Variants in SIK3 observed in about 807,000 individuals in gnomAD.
The protein encoded by SIK3 is serine/threonine-protein kinase SIK3.
In SIK3, 28 loss-of-function variants were observed where a neutral mutation model predicts 144.2. That is an observed-to-expected ratio of 0.19 (90% CI 0.14 to 0.27). SIK3 has a LOEUF of 0.27. SIK3 is among the 10% of genes least tolerant of loss of function. SIK3 has a pLI of 1.00. For synonymous variants in SIK3, 686 were observed against 676.3 expected, an observed-to-expected ratio of 1.01 and a Z score of -0.22; for missense variants, 1,319 against 1,776.0, an observed-to-expected ratio of 0.74 and a Z score of 4.62.
intron 3 of SIK3, among the ~76,000 whole-genome samples, chr11:116,935,697 C>T (rs545215837): frequency 2.4e-4 from 36 of 152,302 alleles, no homozygotes; most frequent in Admixed American, 8.5e-4. Flanking sequence ...AGGTTCTAAT[C>T]AGATCCTAGT....
At chr11:117,055,226 A>C (rs1009831998) in intron 1 of SIK3, among the ~76,000 whole-genome samples, 1 of 152,218 alleles carries the variant, frequency 6.6e-6, no homozygotes, top group Non-Finnish European at 1.5e-5. Context: ...TTTTGTACGA[A>C]CTTAAGCTAA....
intron 3 of SIK3, chr11:116,950,130 T>A (rs1356566907): frequency 6.4e-6 from 3 of 470,876 alleles, no homozygotes; most frequent in Non-Finnish European, 1.3e-5. Context: ...ATTCTCGGCA[T>A]ACCTGATCAA....
chr11:116,861,350 G>A lies in SIK3; in HGVS notation c.2349C>T (p.Asn783=), dbSNP rs750690149. Residue 783 remains asparagine (N), a synonymous_variant, in exon 19 of 25, where the codon AAC becomes AAT. Transcript: ENST00000445177. ...GCCTGAAGAGATGGTTGTTGGGGTG[G>A]TTGGGGGGTGGGCTTGAAGGCTGAA... The part of the protein sequence containing the change: ...LRIQPSSPPP[N]HPNNHLFRQP... The A allele has an allele frequency of 2.5e-6, 4 of 1,597,862 alleles. No individual in the cohort carries two copies. Among genetic ancestry groups the A allele is most frequent in the Non-Finnish European group, 3.4e-6 (4 of 1,175,104 alleles).
chr11:116,923,413 A>C (rs1360788356), intron 4 of SIK3, among the ~76,000 whole-genome samples: 1 of 152,230 alleles, frequency 6.6e-6, no homozygotes, highest in Non-Finnish European at 1.5e-5. Context: ...TTATCCTGTC[A>C]AAAACATCCA....
intron 1 of SIK3, among the ~76,000 whole-genome samples, chr11:116,974,311 A>AG (rs1949872261): frequency 2.0e-5 from 3 of 152,358 alleles, no homozygotes; most frequent in Admixed American, 2.0e-4. Context: ...CGTCAGTTCA[A>AG]GTAACCAGAT....
chr11:117,081,094 G>T (rs765662082), intron 1 of SIK3, among the ~76,000 whole-genome samples: 53 of 151,876 alleles, frequency 3.5e-4, no homozygotes, highest in Non-Finnish European at 7.4e-4. Flanking sequence ...TAATGTTGGA[G>T]ATATACTATT....
At chr11:116,916,796 CAA>C (rs34262569) in intron 4 of SIK3, among the ~76,000 whole-genome samples, 138 of 129,798 alleles carry the variant, frequency 1.1e-3, no homozygotes, top group Non-Finnish European at 1.8e-3. Context: ...AGGTGTGAGC[CAA>C]AAAAAAAAAA....
At chr11:117,014,059 A>G (rs1222632714) in intron 1 of SIK3, among the ~76,000 whole-genome samples, 4 of 132,626 alleles carry the variant, frequency 3.0e-5, no homozygotes, top group Non-Finnish European at 4.6e-5. Context: ...GGCTCACTGC[A>G]GCCTCAACCT....
At chr11:117,053,052 C>T (rs910394239) in intron 1 of SIK3, among the ~76,000 whole-genome samples, 2 of 152,038 alleles carry the variant, frequency 1.3e-5, no homozygotes, top group African/African-American at 4.8e-5. Context: ...AAAAAAGTAA[C>T]TGCAGGCCGG....
At chr11:116,885,621 A>T (rs976809583) in intron 6 of SIK3, among the ~76,000 whole-genome samples, 2 of 152,346 alleles carry the variant, frequency 1.3e-5, no homozygotes, top group African/African-American at 4.8e-5. Flanking sequence ...TCCAGGTCCA[A>T]TACAGAGTTC....
intron 1 of SIK3, among the ~76,000 whole-genome samples, chr11:116,974,532 A>G (rs936386681): frequency 1.3e-5 from 2 of 152,062 alleles, no homozygotes; most frequent in African/African-American, 4.8e-5. Context: ...CTGGGCCTAC[A>G]GGCATGTGCC....
At chr11:116,873,686 G>T in intron 12 of SIK3, 50 bp from the exon 13 acceptor site, 1 of 1,516,986 alleles carries the variant, frequency 6.6e-7, no homozygotes. Flanking sequence ...GGGGAAGGCG[G>T]GGAGAAAGGG....
chr11:116,924,641 G>A (rs546469461), intron 4 of SIK3, among the ~76,000 whole-genome samples: 2 of 152,308 alleles, frequency 1.3e-5, no homozygotes, highest in Non-Finnish European at 2.9e-5. Context: ...GTGCACCATG[G>A]ACTCGGGCAC....
At chr11:117,045,429 C>G (rs1288543504) in intron 1 of SIK3, among the ~76,000 whole-genome samples, 2 of 152,162 alleles carry the variant, frequency 1.3e-5, no homozygotes, top group Non-Finnish European at 2.9e-5. Context: ...CTAAGAAGCC[C>G]CGCCCATAAG....
At chr11:117,039,671 C>T (rs1952657876) in intron 1 of SIK3, among the ~76,000 whole-genome samples, 1 of 152,092 alleles carries the variant, frequency 6.6e-6, no homozygotes, top group South Asian at 2.1e-4. Flanking sequence ...TAAGTAAAAC[C>T]TATTGTATCA....
intron 3 of SIK3, among the ~76,000 whole-genome samples, 155 bp downstream of exon 3, chr11:116,953,889 A>G (rs776457871): frequency 2.6e-5 from 4 of 152,280 alleles, no homozygotes; most frequent in Non-Finnish European, 4.4e-5. Flanking sequence ...TAGATTAATC[A>G]AAACAAATTA....
chr11:117,090,602 C>G (rs1955201452), intron 1 of SIK3, among the ~76,000 whole-genome samples: 1 of 152,246 alleles, frequency 6.6e-6, no homozygotes, highest in South Asian at 2.1e-4. Flanking sequence ...GTATAATTAC[C>G]AATATTCCCT....
chr11:116,946,974 G>A (rs1948622500), intron 3 of SIK3, among the ~76,000 whole-genome samples: 1 of 151,164 alleles, frequency 6.6e-6, no homozygotes, highest in African/African-American at 2.4e-5. Context: ...AATTAGCCGG[G>A]CATAGTGGCG....
At chr11:116,909,558 A>G (rs1471839308) in intron 4 of SIK3, among the ~76,000 whole-genome samples, 2 of 152,218 alleles carry the variant, frequency 1.3e-5, no homozygotes, top group East Asian at 3.8e-4. Context: ...TTTCATAATA[A>G]ATGAAAGACA....
Sources: allele counts gnomAD v4.1 joint callset (sites outside exome capture counted in the v4.1 genomes callset), GRCh38; gene constraint gnomAD v4.1.1; transcripts MANE v1.5; gene names NCBI Gene and HGNC (gene_info 2026-07-23, HGNC 2026-07-21).